Variants in TMEM178B observed in about 807,000 individuals in gnomAD.
TMEM178B encodes transmembrane protein 178B.
TMEM178B carries 5 observed loss-of-function variants against 31.0 expected under a neutral mutation model. The ratio of observed to expected loss-of-function variants is 0.16; its 90% CI spans 0.08 to 0.34. TMEM178B has a LOEUF of 0.34. Among genes scored for constraint, TMEM178B ranks in the 10% least tolerant of loss-of-function variants. The pLI, the probability that TMEM178B is intolerant of heterozygous loss-of-function variation, is 1.00. For synonymous variants in TMEM178B, 164 were observed against 164.0 expected (o/e 1.00, Z 0.00); for missense variants, 275 against 400.3 (o/e 0.69, Z 2.67).
At chr7:141,508,937 G>C in the TMEM178B span, among the ~76,000 whole-genome samples, 1 of 152,234 alleles carries the variant, frequency 6.6e-6, no homozygotes, top group Admixed American at 6.5e-5. Flanking sequence ...ACAATGGCAA[G>C]TGATGGACTA....
At position 141,350,792 on chromosome 7, in the gene TMEM178B, A is replaced by G. The variant is rs563455247; in HGVS notation, c.497-86816A>G. Among the ~76,000 whole-genome samples, 187 of 152,304 alleles carry G rather than the reference A, an allele frequency of 1.2e-3. 4 individuals are homozygous for G. The South Asian group carries it at 0.038, about 31-fold the overall frequency. On this transcript the variant is annotated intron_variant, in intron 2 of 3. Coordinates refer to ENST00000565468, the MANE Select transcript of TMEM178B (RefSeq NM_001195278.2). ...TTTTCTTTTTCTTACATACACACAC[A>G]CAAAACAAAAGACTTCCCTGAAGGT...
chr7:141,314,255 A>G (rs1798962875), intron 2 of TMEM178B, among the ~76,000 whole-genome samples: 4 of 152,320 alleles, frequency 2.6e-5, no homozygotes, highest in African/African-American at 7.2e-5. Flanking sequence ...TCAGGAGGAC[A>G]GGTTTCAGGC....
chr7:141,406,606 T>A (rs1167340705), intron 2 of TMEM178B, among the ~76,000 whole-genome samples: 1 of 152,256 alleles, frequency 6.6e-6, no homozygotes, highest in African/African-American at 2.4e-5. Flanking sequence ...TTTCCATAAT[T>A]GTGACTAACT....
chr7:141,274,246 C>T (rs904278761), intron 2 of TMEM178B, among the ~76,000 whole-genome samples: 3 of 152,282 alleles, frequency 2.0e-5, no homozygotes, highest in Non-Finnish European at 2.9e-5. Flanking sequence ...ATAAATTCAA[C>T]CAGGCCAAAA....
At chr7:141,311,742 C>T (rs902982176) in intron 2 of TMEM178B, among the ~76,000 whole-genome samples, 3 of 152,006 alleles carry the variant, frequency 2.0e-5, no homozygotes, top group African/African-American at 7.3e-5. Context: ...GTCATCTGTC[C>T]GAGGTGAAAC....
chr7:141,456,085 T>C (rs1471820144), intron 3 of TMEM178B, among the ~76,000 whole-genome samples: 1 of 152,214 alleles, frequency 6.6e-6, no homozygotes, highest in African/African-American at 2.4e-5. Flanking sequence ...TGTCAAATAA[T>C]GACATCTAAT....
intron 2 of TMEM178B, among the ~76,000 whole-genome samples, chr7:141,253,701 C>T (rs762767938): frequency 4.6e-5 from 7 of 152,072 alleles, no homozygotes; most frequent in Non-Finnish European, 8.8e-5. Flanking sequence ...CAGGTGCCCA[C>T]CACAGCGCCC....
chr7:141,231,713 C>G (rs915888961), intron 2 of TMEM178B, among the ~76,000 whole-genome samples: 1 of 152,234 alleles, frequency 6.6e-6, no homozygotes, highest in African/African-American at 2.4e-5. Context: ...ACTGGCAGTT[C>G]TCCCACGGTC....
intron 2 of TMEM178B, among the ~76,000 whole-genome samples, chr7:141,227,241 T>TA (rs1563124357): frequency 6.6e-6 from 1 of 152,206 alleles, no homozygotes; most frequent in East Asian, 1.9e-4. Flanking sequence ...TTAGCTTGGA[T>TA]AACTGGCCAG....
the TMEM178B span, among the ~76,000 whole-genome samples, chr7:141,500,572 C>T: frequency 6.6e-6 from 1 of 152,222 alleles, no homozygotes; most frequent in Non-Finnish European, 1.5e-5. Flanking sequence ...TTGCAGCCCT[C>T]AAGTTAGAAT....
rs192685927 is a variant in TMEM178B, at chr7:141,199,954, G to A, written c.383-12637G>A. Among the ~76,000 whole-genome samples the A allele has an allele frequency of 1.8e-3, 270 of 152,144 alleles. 4 individuals carry two copies. Among genetic ancestry groups the A allele is most frequent in the African/African-American group, 6.1e-3 (254 of 41,524 alleles). Reference sequence around the variant, plus strand: ...TAGTCCCAGCTACTTGGGAGGCTGAGGCACAAGAATGGTGTGAACCCAGGA... The same window carrying A: ...TAGTCCCAGCTACTTGGGAGGCTGAAGCACAAGAATGGTGTGAACCCAGGA... On this transcript the variant is annotated intron_variant, in intron 1 of 3. Coordinates refer to ENST00000565468, the MANE Select transcript of TMEM178B (RefSeq NM_001195278.2).
chr7:141,437,029 A>G (rs1289614445), intron 2 of TMEM178B, among the ~76,000 whole-genome samples: 1 of 152,130 alleles, frequency 6.6e-6, no homozygotes, highest in African/African-American at 2.4e-5. Context: ...TTAGAGTTGA[A>G]GGAACAGAAC....
intron 2 of TMEM178B, among the ~76,000 whole-genome samples, chr7:141,355,760 A>T (rs1328654119): frequency 1.3e-5 from 2 of 152,212 alleles, no homozygotes; most frequent in African/African-American, 4.8e-5. Context: ...CAGGTTTGTT[A>T]CAAGGGTATG....
rs74694183 is a variant in TMEM178B, at chr7:141,386,869, C to T, written c.497-50739C>T. 4.1e-3 allele frequency among the ~76,000 whole-genome samples: 622 copies of T among 152,182 alleles called. 6 individuals are homozygous for T. The highest frequency in any genetic ancestry group is 3.6e-3 in the Non-Finnish European group (246 of 68,006). On this transcript the variant is annotated intron_variant, in intron 2 of 3. Transcript: ENST00000565468. Reference sequence around the variant, plus strand: ...AAGGAAGTTCCAGGGGCTCAGCAGCCGGGGTTTGGGGGTTCTCTTTCTGAT... The same window carrying T: ...AAGGAAGTTCCAGGGGCTCAGCAGCTGGGGTTTGGGGGTTCTCTTTCTGAT...
chr7:141,424,721 G>A (rs1015721494), intron 2 of TMEM178B, among the ~76,000 whole-genome samples: 1 of 152,130 alleles, frequency 6.6e-6, no homozygotes, highest in African/African-American at 2.4e-5. Flanking sequence ...CTTTTCCCAC[G>A]TGGGTAGACA....
intron 2 of TMEM178B, among the ~76,000 whole-genome samples, chr7:141,425,072 C>G (rs1801288718): frequency 6.6e-6 from 1 of 152,168 alleles, no homozygotes; most frequent in Non-Finnish European, 1.5e-5. Context: ...ATAGCGCCTA[C>G]CTTATATAGT....
chr7:141,283,911 A>T (rs1032304803), intron 2 of TMEM178B, among the ~76,000 whole-genome samples: 1 of 152,240 alleles, frequency 6.6e-6, no homozygotes, highest in Non-Finnish European at 1.5e-5. Context: ...CTGGCAGCAG[A>T]ATCTGATTAT....
At chr7:141,213,928 A>G (rs535346341) in intron 2 of TMEM178B, among the ~76,000 whole-genome samples, 3 of 152,206 alleles carry the variant, frequency 2.0e-5, no homozygotes, top group Non-Finnish European at 4.4e-5. Context: ...TTCCCCTACA[A>G]GATTTATCCA....
chr7:141,177,519 G>A (rs1796453142), intron 1 of TMEM178B, among the ~76,000 whole-genome samples: 2 of 152,098 alleles, frequency 1.3e-5, no homozygotes, highest in African/African-American at 4.8e-5. Context: ...CTGTCTCATC[G>A]ATCTGTCTAA....
Sources: gnomAD v4.1 joint callset for allele counts (sites outside exome capture counted in the v4.1 genomes callset) on GRCh38, gnomAD v4.1.1 for gene constraint, MANE v1.5 for transcripts, NCBI Gene and HGNC (gene_info 2026-07-23, HGNC 2026-07-21) for gene names.